EPS15L1: variants seen among roughly 807,000 people sequenced by gnomAD.
EPS15L1 encodes epidermal growth factor receptor substrate 15-like 1.
EPS15L1 carries 43 observed loss-of-function variants against 117.1 expected under a neutral mutation model. That is an observed-to-expected ratio of 0.37 (90% CI 0.29 to 0.47). The LOEUF (loss-of-function observed/expected upper bound fraction) is 0.47. Ranked by LOEUF, EPS15L1 falls within the 20% of genes least tolerant of loss-of-function variation. EPS15L1 has a pLI of 0.99. For missense variants in EPS15L1, 981 were observed against 1,164.0 expected (o/e 0.84, Z 2.29); for synonymous variants, 459 against 470.5 (o/e 0.98, Z 0.32).
At chr19:16,364,951 AG>A (rs1441871280) in intron 22 of EPS15L1, among the ~76,000 whole-genome samples, 2 of 152,234 alleles carry the variant, frequency 1.3e-5, no homozygotes, top group African/African-American at 4.8e-5. Context: ...AGACTGCTTG[AG>A]GGCTTCTCCC....
chr19:16,360,050 T>C (rs1391852252), intron 23 of EPS15L1, among the ~76,000 whole-genome samples: 1 of 149,116 alleles, frequency 6.7e-6, no homozygotes. Context: ...AAATGATACC[T>C]TGAAACCTTG....
At chr19:16,452,557 C>T (rs1403933145) in intron 1 of EPS15L1, among the ~76,000 whole-genome samples, 1 of 149,376 alleles carries the variant, frequency 6.7e-6, no homozygotes, top group African/African-American at 2.5e-5. Context: ...GAATTCCAGG[C>T]TGCAGTGAGC....
chr19:16,466,607 AAGGC>A (rs1224308736), intron 1 of EPS15L1, among the ~76,000 whole-genome samples: 7 of 152,130 alleles, frequency 4.6e-5, no homozygotes, highest in Non-Finnish European at 1.0e-4. Flanking sequence ...TGATCTACAA[AAGGC>A]AGGCATGAGG....
intron 9 of EPS15L1, among the ~76,000 whole-genome samples, chr19:16,423,263 T>C (rs1415556481): frequency 6.6e-6 from 1 of 152,080 alleles, no homozygotes; most frequent in Non-Finnish European, 1.5e-5. Flanking sequence ...GATCAAACAA[T>C]TTATCAAAAT....
In EPS15L1 at chr19:16,429,380, C is replaced by T. The variant is rs189951337; in HGVS notation, c.499-619G>A. 2.3e-3 allele frequency among the ~76,000 whole-genome samples: 349 copies of T among 152,336 alleles called. 1 individual carries two copies. The highest frequency in any genetic ancestry group is 3.4e-3 in the Non-Finnish European group (230 of 68,020). On this transcript the variant is annotated intron_variant, in intron 7 of 23. Coordinates refer to ENST00000455140, the MANE Select transcript of EPS15L1 (RefSeq NM_001258374.3). ...CCAGCCTTCCTGGATGGGCACACTG[C>T]CTGCCAGGCCAACGCTGGGCAGGCT...
In EPS15L1 at chr19:16,405,958, A is replaced by G. The variant is rs559816680; in HGVS notation, c.1267-1209T>C. On this transcript the variant is annotated intron_variant, in intron 13 of 23. Transcript: ENST00000455140. This position sits in a 1 kb window ranked among gnomAD's most constrained non-coding sequence, Gnocchi z 4.0. ...GTGGTGCAAGGGGCCATCAGGACGC[A>G]GGAACTGCAGGGGCCTCGGGTGGGG... Among the ~76,000 whole-genome samples the G allele has an allele frequency of 5.9e-5, 9 of 152,344 alleles. No homozygotes were observed. The highest frequency in any genetic ancestry group is 1.3e-4 in the Non-Finnish European group (9 of 68,040).
At chr19:16,419,738 C>T (rs2144937011) in intron 10 of EPS15L1, among the ~76,000 whole-genome samples, 1 of 152,360 alleles carries the variant, frequency 6.6e-6, no homozygotes, top group Admixed American at 6.5e-5. Flanking sequence ...TCTCAAAGAA[C>T]ATTGCTGATA....
chr19:16,440,492 T>C (rs1195709629), intron 4 of EPS15L1, among the ~76,000 whole-genome samples: 1 of 152,154 alleles, frequency 6.6e-6, no homozygotes, highest in Non-Finnish European at 1.5e-5. Flanking sequence ...GCTGTGGTTA[T>C]GTAAGACACC....
chr19:16,385,371 C>CT (rs2092409507), intron 20 of EPS15L1, among the ~76,000 whole-genome samples, 160 bp from the exon 21 acceptor site: 1 of 152,152 alleles, frequency 6.6e-6, no homozygotes, highest in South Asian at 2.1e-4. Flanking sequence ...TCAGCAAGGC[C>CT]CCCCTGCCCA....
intron 1 of EPS15L1, among the ~76,000 whole-genome samples, chr19:16,468,962 G>C (rs1265864575): frequency 3.9e-5 from 6 of 152,210 alleles, no homozygotes; most frequent in Non-Finnish European, 8.8e-5. Context: ...TGAGGTTGCA[G>C]TGAGCTATGA....
rs191294719 is a variant in EPS15L1, at chr19:16,401,595, C to T, written c.1791+726G>A. On this transcript the variant is annotated intron_variant, in intron 16 of 23. Coordinates refer to ENST00000455140, the MANE Select transcript of EPS15L1 (RefSeq NM_001258374.3). ...ATGGGAAACTACATGTCCCCAGGTT[C>T]GAGGCTGCAGGGGCAGACTCTGGTG... 1.6e-4 allele frequency: 154 copies of T among 985,498 alleles called. No homozygotes were observed. The African/African-American group carries it at 2.6e-3, about 17-fold the overall frequency. The allele number at this position is 985,498 out of a possible 1,614,324, so 61.0% of individuals were successfully genotyped here.
At chr19:16,439,307 GA>G (rs949905572) in intron 4 of EPS15L1, among the ~76,000 whole-genome samples, 5 of 151,400 alleles carry the variant, frequency 3.3e-5, no homozygotes, top group Admixed American at 6.6e-5. Flanking sequence ...AAATAGTAAA[GA>G]AAAAAAGAAA....
At chr19:16,417,410 C>G (rs550129293) in intron 12 of EPS15L1, 142 bp downstream of exon 12, 2 of 708,594 alleles carry the variant, frequency 2.8e-6, no homozygotes, top group Non-Finnish European at 5.0e-6. Context: ...CAGTTTAGGA[C>G]CTCAGAAGCT....
rs1426328860 is a variant in EPS15L1 at position 16,422,353 on chromosome 19, C to T, written c.793-877G>A. Among the ~76,000 whole-genome samples the T allele has an allele frequency of 2.0e-5, 3 of 152,194 alleles. No individual in the cohort carries two copies. In the East Asian group the frequency reaches 5.8e-4, roughly 29 times the overall value. On this transcript the variant is annotated intron_variant, in intron 9 of 23. Transcript: ENST00000455140. ...TGCATTACCGCGGGCCTTCAATACA[C>T]CCACCACGCCACAGTTCACGGCATC...
chr19:16,443,717 A>G (rs4399660), intron 1 of EPS15L1: 20,778 of 151,586 alleles, frequency 0.14, 1,481 homozygotes, highest in Non-Finnish European at 0.15. Context: ...TCTCAAAAAT[A>G]AAAAGAAAAA....
intron 23 of EPS15L1, chr19:16,357,281 C>G (rs777537464): frequency 6.6e-6 from 1 of 152,244 alleles, no homozygotes; most frequent in Non-Finnish European, 1.5e-5. Flanking sequence ...TTTTTCCCCC[C>G]CAGGCCTGTG....
intron 22 of EPS15L1, among the ~76,000 whole-genome samples, chr19:16,363,329 G>A (rs543319095): frequency 6.6e-6 from 1 of 152,292 alleles, no homozygotes; most frequent in African/African-American, 2.4e-5. Context: ...GTCCCTCCAG[G>A]GTTGACCTTG....
chr19:16,468,564 T>TCG (rs2093323085), intron 1 of EPS15L1, among the ~76,000 whole-genome samples: 1 of 152,204 alleles, frequency 6.6e-6, no homozygotes, highest in African/African-American at 2.4e-5. Context: ...CAGGCTGGTC[T>TCG]CGAGCTCCTG....
At chr19:16,451,570 C>G (rs2093143899) in intron 1 of EPS15L1, among the ~76,000 whole-genome samples, 1 of 150,498 alleles carries the variant, frequency 6.6e-6, no homozygotes, top group African/African-American at 2.4e-5. Context: ...GCTCTGTCGC[C>G]CAGGCTGGAG....
Sources: gnomAD v4.1 joint callset for allele counts (sites outside exome capture counted in the v4.1 genomes callset) on GRCh38, gnomAD v4.1.1 for gene constraint, Gnocchi (gnomAD v3.1) non-coding constraint, MANE v1.5 for transcripts, NCBI Gene and HGNC (gene_info 2026-07-23, HGNC 2026-07-21) for gene names.